Variants in ENTHD1 observed in about 807,000 individuals in gnomAD.
ENTHD1 encodes the protein ENTH domain containing 1, also known as ENTH domain-containing protein 1.
Under a neutral mutation model 39.1 loss-of-function variants are expected in ENTHD1, and 23 were observed. The ratio of observed to expected loss-of-function variants is 0.59; its 90% CI spans 0.42 to 0.83. The LOEUF (loss-of-function observed/expected upper bound fraction) is 0.83, where lower values mean the gene tolerates loss of function less well. ENTHD1 is among the 40% of genes least tolerant of loss of function. The pLI, the probability that ENTHD1 is intolerant of heterozygous loss-of-function variation, is 0.00. For missense variants in ENTHD1, 624 were observed against 705.4 expected (o/e 0.88, Z 1.31); for synonymous variants, 230 against 258.2 (o/e 0.89, Z 1.05).
chr22:39,762,271 C>T (rs188446614), intron 6 of ENTHD1, among the ~76,000 whole-genome samples: 45 of 152,108 alleles, frequency 3.0e-4, no homozygotes, highest in African/African-American at 1.1e-3. Flanking sequence ...TTCTCAGTCT[C>T]CTCTTTTAGG....
At chr22:39,801,167 C>A (rs1269915139) in intron 5 of ENTHD1, among the ~76,000 whole-genome samples, 1 of 152,208 alleles carries the variant, frequency 6.6e-6, no homozygotes, top group African/African-American at 2.4e-5. Flanking sequence ...ATTATCATTA[C>A]TAAGCACTAA....
At chr22:39,777,938 G>A (rs1035771834) in intron 5 of ENTHD1, among the ~76,000 whole-genome samples, 1 of 152,172 alleles carries the variant, frequency 6.6e-6, no homozygotes, top group African/African-American at 2.4e-5. Flanking sequence ...TATGTGGATG[G>A]TCTCCCTGCT....
intron 5 of ENTHD1, among the ~76,000 whole-genome samples, chr22:39,786,542 A>T (rs568353046): frequency 6.6e-6 from 1 of 152,240 alleles, no homozygotes; most frequent in South Asian, 2.1e-4. Context: ...CATTTCTCTT[A>T]ATCTGACTTC....
chr22:39,883,892 A>G (rs1358668528), intron 2 of ENTHD1, among the ~76,000 whole-genome samples: 1 of 150,998 alleles, frequency 6.6e-6, no homozygotes, highest in East Asian at 1.9e-4. Flanking sequence ...TCCATTTACT[A>G]GAGCTTCAAA....
chr22:39,760,613 C>T (rs185250384), intron 6 of ENTHD1, among the ~76,000 whole-genome samples: 50 of 152,082 alleles, frequency 3.3e-4, no homozygotes, highest in South Asian at 8.3e-4. Context: ...ATTCCACTTC[C>T]ATTTAATGTA....
At chr22:39,848,072 C>T (rs2066005070) in intron 3 of ENTHD1, among the ~76,000 whole-genome samples, 1 of 152,108 alleles carries the variant, frequency 6.6e-6, no homozygotes, top group South Asian at 2.1e-4. Flanking sequence ...GACTAAAGTC[C>T]CCATTTCCTT....
chr22:39,758,024 A>G (rs1172295658), intron 6 of ENTHD1, among the ~76,000 whole-genome samples: 1 of 152,150 alleles, frequency 6.6e-6, no homozygotes, highest in Non-Finnish European at 1.5e-5. Flanking sequence ...TCTTTCCTTT[A>G]TAAATTACCT....
chr22:39,814,530 G>A (rs546526702), intron 5 of ENTHD1, among the ~76,000 whole-genome samples: 7 of 152,230 alleles, frequency 4.6e-5, no homozygotes, highest in Non-Finnish European at 7.3e-5. Flanking sequence ...CAAAGGTGGC[G>A]TGATTAAAAC....
chr22:39,744,966 A>G (rs1056604543), intron 6 of ENTHD1, among the ~76,000 whole-genome samples: 7 of 152,154 alleles, frequency 4.6e-5, no homozygotes, highest in African/African-American at 1.7e-4. Flanking sequence ...ATCATATTAA[A>G]TCTCCCACAC....
At chr22:39,794,960 G>A (rs2065535544) in intron 5 of ENTHD1, among the ~76,000 whole-genome samples, 1 of 152,108 alleles carries the variant, frequency 6.6e-6, no homozygotes, top group Admixed American at 6.6e-5. Context: ...TTTGTTCAGA[G>A]TTTTTTATCA....
chr22:39,806,215 C>G (rs767115091), intron 5 of ENTHD1, among the ~76,000 whole-genome samples: 3 of 152,232 alleles, frequency 2.0e-5, no homozygotes, highest in Non-Finnish European at 4.4e-5. Flanking sequence ...TGCCAATGCC[C>G]ACATGCATTC....
At chr22:39,876,984 A>G (rs751297496) in intron 2 of ENTHD1, among the ~76,000 whole-genome samples, 9 of 152,232 alleles carry the variant, frequency 5.9e-5, no homozygotes, top group Non-Finnish European at 8.8e-5. Context: ...AGATGTGTAC[A>G]TAAATGGACT....
intron 3 of ENTHD1, among the ~76,000 whole-genome samples, chr22:39,850,764 C>T (rs1601640778): frequency 6.6e-6 from 1 of 152,154 alleles, no homozygotes. Context: ...TATTCATTAC[C>T]TTCTCTTAAA....
intron 5 of ENTHD1, among the ~76,000 whole-genome samples, chr22:39,776,615 C>G (rs991419426): frequency 6.6e-6 from 1 of 152,060 alleles, no homozygotes; most frequent in Non-Finnish European, 1.5e-5. Context: ...TTAGTTTGTT[C>G]CCTATGTAAG....
intron 5 of ENTHD1, among the ~76,000 whole-genome samples, chr22:39,782,277 A>T (rs1426116000): frequency 1.3e-5 from 2 of 152,052 alleles, no homozygotes; most frequent in Non-Finnish European, 2.9e-5. Flanking sequence ...ACAGAGAGAG[A>T]CTCTGTCTCA....
At chr22:39,879,649 C>T (rs1199440752) in intron 2 of ENTHD1, among the ~76,000 whole-genome samples, 3 of 151,970 alleles carry the variant, frequency 2.0e-5, no homozygotes, top group Non-Finnish European at 2.9e-5. Context: ...AGATGCAGAG[C>T]ATCAGGAACT....
chr22:39,747,344 C>T (rs937778307), intron 6 of ENTHD1, among the ~76,000 whole-genome samples: 3 of 151,964 alleles, frequency 2.0e-5, no homozygotes, highest in African/African-American at 7.3e-5. Context: ...TTTTATAACC[C>T]CGTTTCAAAT....
chr22:39,778,511 TATC>T (rs940720834), intron 5 of ENTHD1, among the ~76,000 whole-genome samples: 3 of 152,306 alleles, frequency 2.0e-5, no homozygotes, highest in African/African-American at 4.8e-5. Context: ...AGCCTTTAAA[TATC>T]ATTTCGATCA....
intron 2 of ENTHD1, among the ~76,000 whole-genome samples, chr22:39,863,216 AAGGCAGGC>A (rs888040957): frequency 1.3e-5 from 2 of 152,186 alleles, no homozygotes; most frequent in Non-Finnish European, 2.9e-5. Context: ...AGAATATAGG[AAGGCAGGC>A]AGGCAGGCAA....
Sources: gnomAD v4.1 joint callset for allele counts (sites outside exome capture counted in the v4.1 genomes callset) on GRCh38, gnomAD v4.1.1 for gene constraint, MANE v1.5 for transcripts, NCBI Gene and HGNC (gene_info 2026-07-23, HGNC 2026-07-21) for gene names.